SERPINB7: variants seen among roughly 807,000 people sequenced by gnomAD.
SERPINB7 encodes the protein serpin family B member 7, also known as serpin B7.
A neutral mutation model predicts 37.4 loss-of-function variants in SERPINB7; 31 were observed. The ratio of observed to expected loss-of-function variants is 0.83; its 90% CI spans 0.62 to 1.12. The LOEUF (loss-of-function observed/expected upper bound fraction) is 1.12. Ranked by LOEUF, SERPINB7 falls within the 50% of genes most tolerant of loss-of-function variation. SERPINB7 has a pLI of 0.00. For synonymous variants in SERPINB7, 163 were observed against 166.1 expected, an observed-to-expected ratio of 0.98 and a Z score of 0.14; for missense variants, 521 against 455.3, an observed-to-expected ratio of 1.14 and a Z score of -1.31.
chr18:63,786,114 T>G (rs1459687079), intron 2 of SERPINB7, among the ~76,000 whole-genome samples: 2 of 141,622 alleles, frequency 1.4e-5, no homozygotes, highest in Non-Finnish European at 3.0e-5. Flanking sequence ...TATATGTATA[T>G]ATGTATATAT....
chr18:63,764,620 A>C (rs2049170997), intron 1 of SERPINB7, among the ~76,000 whole-genome samples: 1 of 151,168 alleles, frequency 6.6e-6, no homozygotes, highest in African/African-American at 2.4e-5. Flanking sequence ...ATAAACACTG[A>C]AATATACTCT....
chr18:63,769,456 G>T (rs2049198086), intron 1 of SERPINB7, among the ~76,000 whole-genome samples: 1 of 151,950 alleles, frequency 6.6e-6, no homozygotes, highest in Admixed American at 6.6e-5. Context: ...TCTCATCTTG[G>T]TGTTGACATC....
upstream of SERPINB7, among the ~76,000 whole-genome samples, chr18:63,773,437 A>G (rs2049222975): frequency 6.6e-6 from 1 of 152,098 alleles, no homozygotes; most frequent in Non-Finnish European, 1.5e-5. Context: ...CACTAAATCT[A>G]GCACCCCTTA....
At chr18:63,757,336 C>G (rs1396036971) in intron 1 of SERPINB7, among the ~76,000 whole-genome samples, 5 of 152,172 alleles carry the variant, frequency 3.3e-5, no homozygotes, top group Non-Finnish European at 7.3e-5. Context: ...CAATCCTCAG[C>G]TGCAAAATGG....
At chr18:63,761,220 T>C (rs2049152120) in intron 1 of SERPINB7, among the ~76,000 whole-genome samples, 1 of 152,204 alleles carries the variant, frequency 6.6e-6, no homozygotes, top group Non-Finnish European at 1.5e-5. Flanking sequence ...AGGAGATTAT[T>C]TTGGAGCTTT....
chr18:63,760,595 G>A (rs1264895324), intron 1 of SERPINB7, among the ~76,000 whole-genome samples: 1 of 152,154 alleles, frequency 6.6e-6, no homozygotes, highest in East Asian at 1.9e-4. Context: ...CCCATTGCAG[G>A]CCTGGAGACC....
chr18:63,765,518 T>C (rs1176002122), intron 1 of SERPINB7, among the ~76,000 whole-genome samples: 1 of 152,200 alleles, frequency 6.6e-6, no homozygotes, highest in African/African-American at 2.4e-5. Context: ...CATCTCTTGC[T>C]TAAAATATTT....
At chr18:63,757,974 T>C (rs1258216782) in intron 1 of SERPINB7, among the ~76,000 whole-genome samples, 3 of 152,216 alleles carry the variant, frequency 2.0e-5, no homozygotes, top group African/African-American at 7.2e-5. Flanking sequence ...GGGTGTGTTG[T>C]CCTTCCATTT....
intron 1 of SERPINB7, among the ~76,000 whole-genome samples, chr18:63,767,495 T>C (rs73469959): frequency 0.031 from 4,754 of 152,224 alleles, 125 homozygotes; most frequent in African/African-American, 0.066. Context: ...GTTGAGTCTG[T>C]GGGAAATAAA....
intron 1 of SERPINB7, among the ~76,000 whole-genome samples, chr18:63,778,652 AACT>A (rs1448560733): frequency 1.3e-5 from 2 of 152,170 alleles, no homozygotes; most frequent in East Asian, 1.9e-4. Context: ...TTTATTTAAA[AACT>A]ACTTTTTGCT....
At chr18:63,787,804 C>T (rs77058004) in intron 2 of SERPINB7, among the ~76,000 whole-genome samples, 5,680 of 152,220 alleles carry the variant, frequency 0.037, 140 homozygotes, top group African/African-American at 0.073. Flanking sequence ...ATTCTTTTTA[C>T]GAGGTACAGT....
chr18:63,793,878 T>A (rs933967572), intron 4 of SERPINB7, among the ~76,000 whole-genome samples: 6 of 152,190 alleles, frequency 3.9e-5, no homozygotes, highest in Admixed American at 3.9e-4. Context: ...GAGATCAACA[T>A]GACATACTAG....
chr18:63,793,244 G>C lies in SERPINB7; in HGVS notation c.303G>C (p.Gly101=), dbSNP rs764117899. Residue 101 remains glycine, a synonymous_variant, in exon 4 of 8, where the codon GGG becomes GGC. Coordinates refer to ENST00000398019, the MANE Select transcript of SERPINB7 (RefSeq NM_003784.4). Reference sequence around the variant, plus strand: ...ATTATGATCTCAGCATTGTGAATGGGCTTTTTGCTGAAAAAGTGTATGGCT... The same window carrying C: ...ATTATGATCTCAGCATTGTGAATGGCCTTTTTGCTGAAAAAGTGTATGGCT... ...HKDYDLSIVN[G]LFAEKVYGFH... The C allele has an allele frequency of 1.9e-6, 3 of 1,603,720 alleles. No homozygotes were observed. Among genetic ancestry groups the C allele is most frequent in the Non-Finnish European group, 2.6e-6 (3 of 1,173,608 alleles).
chr18:63,792,910 T>C (rs999378229), intron 3 of SERPINB7, among the ~76,000 whole-genome samples: 6 of 152,202 alleles, frequency 3.9e-5, no homozygotes, highest in African/African-American at 1.4e-4. Flanking sequence ...AATTAATATA[T>C]ATGTTATGCA....
Position 63,800,531 on chromosome 18 carries a change from A to G in SERPINB7, c.598-335A>G, listed in dbSNP as rs558100044. On this transcript the variant is annotated intron_variant, in intron 6 of 7. Coordinates refer to ENST00000398019, the MANE Select transcript of SERPINB7 (RefSeq NM_003784.4). ...CAAGGCAATGTTCCAAGTGCTAGCT[A>G]TATTAATTCACATAATCCTCACAAC... Among the ~76,000 whole-genome samples the G allele has an allele frequency of 2.0e-5, 3 of 152,342 alleles. No individual in the cohort carries two copies. The South Asian group carries it at 6.2e-4, about 32-fold the overall frequency.
At chr18:63,783,209 AGAGAGAGAGAGAGAG>A (rs1568207611) in intron 2 of SERPINB7, among the ~76,000 whole-genome samples, 13 of 76,534 alleles carry the variant, frequency 1.7e-4, no homozygotes, top group African/African-American at 5.0e-4. Flanking sequence ...AGAGAGAGAG[AGAGAGAGAGAGAGAG>A]AGAGAGAGAG....
At chr18:63,783,154 A>T (rs2144612912) in intron 2 of SERPINB7, among the ~76,000 whole-genome samples, 1 of 149,930 alleles carries the variant, frequency 6.7e-6, no homozygotes, top group South Asian at 2.1e-4. Context: ...CAAACGATCA[A>T]ACAAAACAAA....
At chr18:63,800,774 T>G (rs2049538616) in intron 6 of SERPINB7, 92 bp from the exon 7 acceptor site, 1 of 1,437,678 alleles carries the variant, frequency 7.0e-7, no homozygotes, top group South Asian at 1.4e-5. Context: ...GAGCAAAAAT[T>G]TATTGACCAA....
chr18:63,785,284 T>A (rs916179390), intron 2 of SERPINB7, among the ~76,000 whole-genome samples: 62 of 152,230 alleles, frequency 4.1e-4, no homozygotes, highest in African/African-American at 1.5e-3. Flanking sequence ...TTTAAATGAA[T>A]CCCGGCTCAA....
Sources: gnomAD v4.1 joint callset for allele counts (sites outside exome capture counted in the v4.1 genomes callset) on GRCh38, gnomAD v4.1.1 for gene constraint, MANE v1.5 for transcripts, NCBI Gene and HGNC (gene_info 2026-07-23, HGNC 2026-07-21) for gene names.